MYH7B: variants seen among roughly 807,000 people sequenced by gnomAD.
MYH7B encodes myosin heavy chain 7B.
In MYH7B, 205 loss-of-function variants were observed where a neutral mutation model predicts 234.5. The observed-to-expected ratio is 0.87, with a 90% CI of 0.78 to 0.98. MYH7B has a LOEUF of 0.98. Among genes scored for constraint, MYH7B ranks in the 50% least tolerant of loss-of-function variants. MYH7B has a pLI of 0.00. For synonymous variants in MYH7B, 1,193 were observed against 1,105.0 expected (o/e 1.08, Z -1.58); for missense variants, 2,652 against 2,633.4 (o/e 1.01, Z -0.15).
chr20:34,985,187 A>G, intron 13 of MYH7B, 58 bp downstream of exon 13: 1 of 1,538,660 alleles, frequency 6.5e-7, no homozygotes, highest in Non-Finnish European at 9.0e-7. Context: ...GGTCACCCCA[A>G]CTCGGCCTCT....
At chr20:34,970,142 ATGT>A (rs1347055817) in intron 2 of MYH7B, among the ~76,000 whole-genome samples, 1 of 152,160 alleles carries the variant, frequency 6.6e-6, no homozygotes, top group Non-Finnish European at 1.5e-5. Context: ...AGCTTGAGAC[ATGT>A]TGAGACTCAC....
chr20:35,000,635 G>A, exon 39 of MYH7B: 1 of 1,580,094 alleles, frequency 6.3e-7, no homozygotes, highest in Non-Finnish European at 8.6e-7. Context: ...GCCGGCGACT[G>A]GCAGAGCAGG....
At chr20:34,996,555 G>A (rs1164838877) in intron 29 of MYH7B, 33 bp downstream of exon 29, 6 of 1,601,982 alleles carry the variant, frequency 3.7e-6, no homozygotes, top group Non-Finnish European at 5.1e-6. Context: ...CTGGGTGGCG[G>A]GGCCGGGGTG....
At chr20:34,998,750 C>T in exon 35 of MYH7B, 1 of 1,612,486 alleles carries the variant, frequency 6.2e-7, no homozygotes, top group African/African-American at 1.3e-5. Context: ...GCCGTGCAGG[C>T]TCTGCGGCAC....
At chr20:34,985,842 C>A (rs556710863) in intron 13 of MYH7B, among the ~76,000 whole-genome samples, 1 of 152,266 alleles carries the variant, frequency 6.6e-6, no homozygotes, top group South Asian at 2.1e-4. Context: ...CCTGCACACG[C>A]AGACACCACA....
chr20:34,987,965 T>C, intron 18 of MYH7B, 51 bp downstream of exon 18: 1 of 1,558,140 alleles, frequency 6.4e-7, no homozygotes, highest in Non-Finnish European at 8.7e-7. Flanking sequence ...GTAGAGGACA[T>C]GGGCCTGTGG....
chr20:34,988,215 A>G (rs1000254987), exon 19 of MYH7B: 2 of 1,614,130 alleles, frequency 1.2e-6, no homozygotes, highest in Admixed American at 1.7e-5. Context: ...CTGGGTCTTC[A>G]TCGACTTCGG....
chr20:34,983,623 A>G (rs1457296215), intron 10 of MYH7B, among the ~76,000 whole-genome samples: 2 of 152,078 alleles, frequency 1.3e-5, no homozygotes, highest in Non-Finnish European at 2.9e-5. Flanking sequence ...GAGGGGTGGG[A>G]GAGGCTGCCC....
Position 35,001,414 on chromosome 20 carries a change from C to A in MYH7B, c.5581-17C>A. On this transcript the variant is annotated splice_polypyrimidine_tract_variant and intron_variant, in intron 42 of 44. Coordinates refer to ENST00000262873, the Ensembl canonical transcript of MYH7B. ...GGCCCAGCCCAAGCAAGCCCTGAGTCCCCCTTGCCCGCCCAGGCCGAGGAG... is the reference window on the plus strand; with the variant it reads ...GGCCCAGCCCAAGCAAGCCCTGAGTACCCCTTGCCCGCCCAGGCCGAGGAG... 2 of 1,594,556 alleles carry A rather than the reference C, an allele frequency of 1.3e-6. No individual in the cohort carries two copies. The highest frequency in any genetic ancestry group is 1.8e-5 in the Admixed American group (1 of 56,080).
At chr20:34,996,276 CTGGTG>C (rs939230430) in intron 28 of MYH7B, 65 bp from the exon 29 acceptor site, 2 of 1,515,780 alleles carry the variant, frequency 1.3e-6, no homozygotes, top group Non-Finnish European at 1.8e-6. Flanking sequence ...TTGCTCTGAC[CTGGTG>C]TGGTGTGGTG....
intron 32 of MYH7B, 125 bp downstream of exon 32, chr20:34,997,765 G>C (rs1335439040): frequency 8.5e-7 from 1 of 1,176,708 alleles, no homozygotes; most frequent in African/African-American, 1.6e-5. Context: ...CTCTTCACCT[G>C]GTACACAACC....
chr20:34,988,036 GCCTC>G lies in MYH7B; in HGVS notation c.1417-52_1417-49del. 2.5e-6 allele frequency: 4 copies of G among 1,584,246 alleles called. No homozygotes were observed. The Admixed American group carries it at 6.9e-5, about 27-fold the overall frequency. On this transcript the variant is annotated intron_variant, in intron 18 of 44. Transcript: ENST00000262873. Reference sequence around the variant, plus strand: ...GGGGTGAACTCATGCCCCTCCCCGGGCCTCCCTTTCCCCATCTGCGAGAGGTCTG... The same window carrying G: ...GGGGTGAACTCATGCCCCTCCCCGGGCCTTTCCCCATCTGCGAGAGGTCTG...
At chr20:34,998,299 G>A (rs777882841) in exon 33 of MYH7B, 2 of 1,613,948 alleles carry the variant, frequency 1.2e-6, no homozygotes, top group South Asian at 2.2e-5. Flanking sequence ...TCCTAGGCCA[G>A]TGCAGAGAAG....
exon 44 of MYH7B, chr20:35,002,076 G>A: frequency 3.1e-6 from 5 of 1,613,858 alleles, no homozygotes; most frequent in East Asian, 2.2e-5. Flanking sequence ...GGGACGCCCT[G>A]GGCCCCAAGG....
At chr20:34,977,056 T>A (rs866276088) in intron 3 of MYH7B, among the ~76,000 whole-genome samples, 1 of 83,336 alleles carries the variant, frequency 1.2e-5, no homozygotes, top group Non-Finnish European at 2.5e-5. Context: ...CCCCTACCCC[T>A]CCCCCCTCTC....
intron 17 of MYH7B, 34 bp from the exon 18 acceptor site, chr20:34,987,731 G>T (rs758095787): frequency 6.8e-6 from 11 of 1,613,496 alleles, no homozygotes; most frequent in Non-Finnish European, 9.3e-6. Context: ...TCCCCTCCTT[G>T]CCAGGTCCCA....
At chr20:34,990,896 G>A in intron 23 of MYH7B, 71 bp downstream of exon 23, 2 of 1,585,066 alleles carry the variant, frequency 1.3e-6, no homozygotes, top group Admixed American at 3.3e-5. Context: ...GAGGCCGGGA[G>A]GCTGAGTACA....
At chr20:34,970,242 G>C (rs766623262) in intron 2 of MYH7B, among the ~76,000 whole-genome samples, 9 of 152,218 alleles carry the variant, frequency 5.9e-5, no homozygotes, top group Non-Finnish European at 1.2e-4. Flanking sequence ...GGCTACTGCA[G>C]TGTAAGGGAG....
At chr20:34,978,858 T>C (rs1318862732) in intron 5 of MYH7B, among the ~76,000 whole-genome samples, 2 of 152,164 alleles carry the variant, frequency 1.3e-5, no homozygotes, top group Non-Finnish European at 2.9e-5. Context: ...GGACACAAAC[T>C]CCGGTTTGCA....
Sources: allele counts gnomAD v4.1 joint callset (sites outside exome capture counted in the v4.1 genomes callset), GRCh38; gene constraint gnomAD v4.1.1; transcripts MANE v1.5; gene names NCBI Gene and HGNC (gene_info 2026-07-23, HGNC 2026-07-21).